The following GRIP1 variants were observed in gnomAD, a reference collection of about 807,000 sequenced individuals.
GRIP1 encodes glutamate receptor-interacting protein 1.
Under a neutral mutation model 129.9 loss-of-function variants are expected in GRIP1, and 45 were observed. The observed-to-expected ratio is 0.35, with a 90% CI of 0.27 to 0.44. GRIP1 has a LOEUF of 0.44. GRIP1 is among the 20% of genes least tolerant of loss of function. The probability of loss-of-function intolerance (pLI) is 1.00; values close to 1 mark genes in which losing one functional copy is unlikely to be tolerated. For missense variants in GRIP1, 1,196 were observed against 1,396.8 expected, an observed-to-expected ratio of 0.86 and a Z score of 2.29; for synonymous variants, 530 against 520.8, an observed-to-expected ratio of 1.02 and a Z score of -0.24.
chr12:66,473,122 A>T (rs2059488967), intron 7 of GRIP1, among the ~76,000 whole-genome samples: 1 of 152,082 alleles, frequency 6.6e-6, no homozygotes, highest in Admixed American at 6.6e-5. Context: ...TCGACTTGGG[A>T]TGCTGAAGTT....
chr12:66,433,586 T>C (rs755535164), intron 13 of GRIP1, among the ~76,000 whole-genome samples: 3 of 152,226 alleles, frequency 2.0e-5, no homozygotes, highest in African/African-American at 4.8e-5. Flanking sequence ...AATTAATGTC[T>C]GAGAAAGGAA....
At chr12:67,007,486 A>C (rs1257061263) in intron 1 of GRIP1, among the ~76,000 whole-genome samples, 1 of 152,194 alleles carries the variant, frequency 6.6e-6, no homozygotes, top group East Asian at 1.9e-4. Flanking sequence ...CATCCCCCCC[A>C]AAAAACAAAG....
At position 66,979,252 on chromosome 12, in the gene GRIP1, A is replaced by AAACAAC. The variant is rs1555257219; in HGVS notation, c.58+89797_58+89798insGTTGTT. Among the ~76,000 whole-genome samples, 424 of 110,198 alleles carry AAACAAC rather than the reference A, an allele frequency of 3.8e-3. 6 individuals are homozygous for AAACAAC. Among genetic ancestry groups the AAACAAC allele is most frequent in the Admixed American group, 5.8e-3 (48 of 8,266 alleles). 72.3% of individuals were successfully genotyped at this position (110,198 alleles called of 152,430 possible). A position where few individuals can be genotyped will look rare whatever the true frequency, so the allele number is the denominator to read the frequency against. On this transcript the variant is annotated intron_variant, in intron 1 of 1. Transcript: ENST00000643019. ...AAAAAAAAAAAAAAAAAAAAAAAAA[A>AAACAAC]AACAAGCCCGTCATCCTGCAAGTAC...
rs562329647 is a variant in GRIP1, at chr12:66,812,538, A to G, written c.59-215611T>C. 1.8e-4 allele frequency among the ~76,000 whole-genome samples: 27 copies of G among 152,360 alleles called. No homozygotes were observed. The South Asian group carries it at 5.6e-3, about 32-fold the overall frequency. On this transcript the variant is annotated intron_variant, in intron 1 of 1. Coordinates refer to the GRIP1 transcript ENST00000643019. ...ACACATAATTACATGTTCGATATTT[A>G]TTATGCGGTAGGTGTGAAACAGAAT...
At chr12:66,461,324 C>G (rs2059129647) in intron 9 of GRIP1, among the ~76,000 whole-genome samples, 1 of 152,180 alleles carries the variant, frequency 6.6e-6, no homozygotes, top group Non-Finnish European at 1.5e-5. Context: ...AAGCAAAACC[C>G]CATGCTGAGA....
In GRIP1 at chr12:66,919,554, C is replaced by T. The variant is rs193162713; in HGVS notation, c.58+149496G>A. 1.6e-4 allele frequency among the ~76,000 whole-genome samples: 24 copies of T among 152,292 alleles called. No homozygotes were observed. The East Asian group carries it at 4.6e-3, about 29-fold the overall frequency. ...TTTGCATTCATCATTACATCATTCT[C>T]CCTTATTTTTGGCTTACATAAATAG... On this transcript the variant is annotated intron_variant, in intron 1 of 1. Transcript: ENST00000643019.
Position 66,353,518 on chromosome 12 carries a change from C to T in GRIP1, c.3058G>A (p.Val1020Ile). ...DSDMEDFGFS[V>I]ADGLLEKGVY... is the part of the protein sequence containing the mutation. ...CCTTTCTCCAGTAAGCCATCTGCTA[C>T]ACTGAACCCAAAGTCCTCCATGTCA... The change falls in exon 24 of 25, where the codon GTA (valine) becomes ATA (isoleucine). Residue 1020 changes from valine (V) to isoleucine (I), a missense_variant. Physicochemically the swap from Val to Ile is conservative, Grantham distance 29. Around this residue, in one of 5 missense-constraint regions of GRIP1, gnomAD observed 427 missense variants for 463.3 expected, o/e 0.92. Coordinates refer to ENST00000359742, the MANE Select transcript of GRIP1 (RefSeq NM_001366722.1). 1 of 1,613,484 alleles carries T rather than the reference C, an allele frequency of 6.2e-7. No homozygotes were observed. Among genetic ancestry groups the T allele is most frequent in the Non-Finnish European group, 8.5e-7 (1 of 1,179,392 alleles).
chr12:66,404,339 T>C (rs141129043), intron 16 of GRIP1, among the ~76,000 whole-genome samples: 1 of 152,316 alleles, frequency 6.6e-6, no homozygotes, highest in African/African-American at 2.4e-5. Context: ...ATGACCTGAT[T>C]AACAAAATCC....
intron 24 of GRIP1, among the ~76,000 whole-genome samples, chr12:66,349,588 C>G (rs1274984870): frequency 2.6e-5 from 4 of 152,158 alleles, no homozygotes; most frequent in Non-Finnish European, 5.9e-5. Flanking sequence ...AGAGCTTTGC[C>G]TTAGATCAGT....
chr12:66,444,219 G>T (rs1592882885), intron 13 of GRIP1, among the ~76,000 whole-genome samples: 1 of 152,168 alleles, frequency 6.6e-6, no homozygotes, highest in Admixed American at 6.5e-5. Context: ...GGGCGCGGTG[G>T]CTCACGCCTG....
intron 7 of GRIP1, among the ~76,000 whole-genome samples, chr12:66,469,017 T>C (rs1406012729): frequency 6.6e-6 from 1 of 152,210 alleles, no homozygotes; most frequent in Non-Finnish European, 1.5e-5. Context: ...AATTAATGAA[T>C]CTTTTTTAAA....
chr12:66,521,854 A>G (rs944222146), intron 5 of GRIP1, among the ~76,000 whole-genome samples: 9 of 152,202 alleles, frequency 5.9e-5, no homozygotes, highest in Admixed American at 1.3e-4. Context: ...AGGAGATTAT[A>G]TCCCGTACCT....
intron 1 of GRIP1, among the ~76,000 whole-genome samples, chr12:66,908,828 A>G (rs1381199659): frequency 6.6e-6 from 1 of 152,276 alleles, no homozygotes; most frequent in East Asian, 1.9e-4. Context: ...TGGAAGCAAG[A>G]TGTCTGCCTG....
At chr12:66,808,897 C>G (rs150022855), upstream of GRIP1, among the ~76,000 whole-genome samples, 1 of 152,224 alleles carries the variant, frequency 6.6e-6, no homozygotes, top group Non-Finnish European at 1.5e-5. Context: ...TAGCCAGTCT[C>G]AAAACACTAA....
At chr12:66,829,679 T>G (rs567981622) in intron 1 of GRIP1, among the ~76,000 whole-genome samples, 72 of 152,306 alleles carry the variant, frequency 4.7e-4, no homozygotes, top group African/African-American at 1.6e-3. Flanking sequence ...AGATTCCCAT[T>G]TGTGTGGCAT....
chr12:66,908,959 G>A lies in GRIP1; in HGVS notation c.58+160091C>T, dbSNP rs2137303232. Among the ~76,000 whole-genome samples, 3 of 152,256 alleles carry A rather than the reference G, an allele frequency of 2.0e-5. No individual in the cohort carries two copies. In the South Asian group the frequency reaches 6.2e-4, roughly 32 times the overall value. ...TAGTAACTCTATCTATCCCTCAATG[G>A]AGGAGCTTAGACTTCACAATGCACC... On this transcript the variant is annotated intron_variant, in intron 1 of 1. Coordinates refer to the GRIP1 transcript ENST00000643019.
chr12:66,733,975 T>G (rs181156071), intron 1 of GRIP1, among the ~76,000 whole-genome samples: 2 of 151,870 alleles, frequency 1.3e-5, no homozygotes, highest in Non-Finnish European at 1.5e-5. Flanking sequence ...GCTTATTGCT[T>G]TTTTCAGGAG....
intron 1 of GRIP1, among the ~76,000 whole-genome samples, chr12:66,767,246 A>G (rs1002615475): frequency 1.2e-4 from 18 of 152,286 alleles, no homozygotes; most frequent in Admixed American, 5.9e-4. Context: ...TTCAAATATC[A>G]GATTGTTTTT....
chr12:66,784,210 C>A (rs1242557970), intron 1 of GRIP1, among the ~76,000 whole-genome samples: 2 of 151,926 alleles, frequency 1.3e-5, no homozygotes, highest in African/African-American at 4.8e-5. Context: ...TCCAGCTATA[C>A]CCCAAGGATG....
Sources: gnomAD v4.1 joint callset for allele counts (sites outside exome capture counted in the v4.1 genomes callset) on GRCh38, gnomAD v4.1.1 for gene constraint, gnomAD v4.1.1 regional missense constraint, MANE v1.5 for transcripts, NCBI Gene and HGNC (gene_info 2026-07-23, HGNC 2026-07-21) for gene names.